Variants in POLH observed in about 807,000 individuals in gnomAD.
POLH encodes the protein DNA polymerase eta, also known as DNA polymerase eta transcript.
Under a neutral mutation model 73.6 loss-of-function variants are expected in POLH, and 53 were observed. That is an observed-to-expected ratio of 0.72 (90% CI 0.58 to 0.91). POLH has a LOEUF of 0.91. Among genes scored for constraint, POLH ranks in the 40% least tolerant of loss-of-function variants. POLH has a pLI of 0.00. For missense variants in POLH, 768 were observed against 865.4 expected (o/e 0.89, Z 1.41); for synonymous variants, 292 against 308.5 (o/e 0.95, Z 0.56).
At chr6:43,597,577 A>T in intron 4 of POLH, 119 bp from the exon 5 acceptor site, 1 of 973,312 alleles carries the variant, frequency 1.0e-6, no homozygotes, top group Non-Finnish European at 1.6e-6. Flanking sequence ...GCTGGCTGCC[A>T]TTTTTTTGTG....
intron 9 of POLH, 72 bp downstream of exon 9, chr6:43,605,391 G>A: frequency 1.3e-6 from 1 of 758,630 alleles, no homozygotes; most frequent in Non-Finnish European, 2.4e-6. Context: ...ACCTTATGGA[G>A]CAGGAACAAA....
chr6:43,581,669 G>GGCGGTCGGGCGGCGGCGGCA (rs1554138339), intron 1 of POLH, among the ~76,000 whole-genome samples: 1 of 112,890 alleles, frequency 8.9e-6, no homozygotes, highest in East Asian at 2.0e-4. Context: ...CCATCCTCCC[G>GGCGGTCGGGCGGCGGCGGCA]GCGGTCGGGC....
At position 43,587,457 on chromosome 6, in the gene POLH, GC is replaced by G; in HGVS notation, c.461del (p.Pro154LeufsTer42). 1 of 1,613,936 alleles carries G rather than the reference GC, an allele frequency of 6.2e-7. No homozygotes were observed. Among genetic ancestry groups the G allele is most frequent in the South Asian group, 1.1e-5 (1 of 91,082 alleles). On this transcript the variant is annotated frameshift_variant, in exon 4 of 11. Transcript: ENST00000372236. LOFTEE classifies it high-confidence loss of function. Reference protein sequence around the residue: ...PSTYIEGLPQGPTTAEETVQK... With the variant: ...PSTYIEGLPQXPTTAEETVQK... ...ACTTACATTGAAGGGTTGCCCCAAG[GC>G]CCTACAACGGCAGAAGAGACTGTTC...
chr6:43,607,857 G>T (rs111230917), intron 9 of POLH, among the ~76,000 whole-genome samples: 1 of 152,132 alleles, frequency 6.6e-6, no homozygotes, highest in Admixed American at 6.6e-5. Flanking sequence ...TTGAAATCCT[G>T]TTCCTGGGCC....
intron 4 of POLH, chr6:43,591,003 C>T (rs1241682235): frequency 2.0e-5 from 3 of 151,442 alleles, no homozygotes; most frequent in Non-Finnish European, 4.4e-5. Flanking sequence ...CATAAAATGC[C>T]TTTAATGTGT....
intron 2 of POLH, 114 bp downstream of exon 2, chr6:43,582,570 C>A: frequency 9.5e-7 from 1 of 1,057,028 alleles, no homozygotes. Context: ...CTCTGTTGTC[C>A]CATCCAGAGC....
chr6:43,598,080 C>T (rs1203862989), intron 5 of POLH, among the ~76,000 whole-genome samples: 5 of 151,564 alleles, frequency 3.3e-5, no homozygotes, highest in African/African-American at 1.2e-4. Flanking sequence ...TGGTGTACAC[C>T]TACAGTCCCA....
At chr6:43,577,258 T>C (rs1008502970) in intron 1 of POLH, among the ~76,000 whole-genome samples, 2 of 152,234 alleles carry the variant, frequency 1.3e-5, no homozygotes, top group Admixed American at 6.5e-5. Flanking sequence ...TCTGTTAAAG[T>C]CTGCATGTCT....
intron 4 of POLH, among the ~76,000 whole-genome samples, chr6:43,589,870 C>T (rs1334587972): frequency 6.6e-6 from 1 of 151,074 alleles, no homozygotes; most frequent in Non-Finnish European, 1.5e-5. Flanking sequence ...GTTGCCCAGG[C>T]TTTTATATAT....
At chr6:43,587,052 C>T (rs983959792) in intron 3 of POLH, among the ~76,000 whole-genome samples, 1 of 152,114 alleles carries the variant, frequency 6.6e-6, no homozygotes, top group Admixed American at 6.6e-5. Flanking sequence ...TGGCATTGTG[C>T]TAAAAATGTT....
intron 4 of POLH, among the ~76,000 whole-genome samples, chr6:43,592,471 GTGCAATCTCGGCTCAC>G (rs1279193844): frequency 2.7e-5 from 4 of 150,500 alleles, no homozygotes; most frequent in South Asian, 2.1e-4. Flanking sequence ...GAGTGCAGTG[GTGCAATCTCGGCTCAC>G]TGCAATCTCC....
In POLH at chr6:43,600,968, T is replaced by C; in HGVS notation, c.661-20T>C. On this transcript the variant is annotated intron_variant, in intron 5 of 10. Coordinates refer to ENST00000372236, the MANE Select transcript of POLH (RefSeq NM_006502.3). ...GATGGGTTGACAGTAATGAGGTTTT[T>C]ATACTTTGCATGCTTCCAGGTCCTG... 6.4e-7 allele frequency: 1 copy of C among 1,552,108 alleles called. No individual in the cohort carries two copies. Among genetic ancestry groups the C allele is most frequent in the Non-Finnish European group, 8.9e-7 (1 of 1,123,660 alleles).
At chr6:43,603,223 C>T (rs573943198) in intron 6 of POLH, among the ~76,000 whole-genome samples, 1 of 151,842 alleles carries the variant, frequency 6.6e-6, no homozygotes, top group Non-Finnish European at 1.5e-5. Context: ...GCCTCCTGGG[C>T]TCAAGTGATC....
chr6:43,582,014 T>G (rs1764336191), intron 1 of POLH, among the ~76,000 whole-genome samples: 1 of 152,204 alleles, frequency 6.6e-6, no homozygotes. Context: ...CAACACAGCA[T>G]TCAAAGGAAA....
rs1768597856 is a variant in POLH, at chr6:43,619,867, G to C, written c.*5310G>C. 6.6e-6 allele frequency among the ~76,000 whole-genome samples: 1 copy of C among 152,182 alleles called. No individual in the cohort carries two copies. The highest frequency in any genetic ancestry group is 2.1e-4 in the South Asian group (1 of 4,832). ...TTTATAAAACAGCCTGAGTGGTAGGGAAGCTATCACTTTAATACTCTAGAG... is the reference window on the plus strand; with the variant it reads ...TTTATAAAACAGCCTGAGTGGTAGGCAAGCTATCACTTTAATACTCTAGAG... On this transcript the variant is annotated 3_prime_UTR_variant, in exon 11 of 11. Coordinates refer to ENST00000372236, the MANE Select transcript of POLH (RefSeq NM_006502.3).
At chr6:43,601,131 A>C in intron 6 of POLH, 40 bp downstream of exon 6, 2 of 1,356,966 alleles carry the variant, frequency 1.5e-6, no homozygotes, top group Non-Finnish European at 2.1e-6. Context: ...ACTTCTATCC[A>C]TGTGTAGAAA....
At chr6:43,595,892 C>T (rs1765995503) in intron 4 of POLH, among the ~76,000 whole-genome samples, 2 of 151,310 alleles carry the variant, frequency 1.3e-5, no homozygotes, top group African/African-American at 4.9e-5. Context: ...AAGGCTTGCA[C>T]ATATTAAGAA....
At chr6:43,604,435 T>C (rs1409151754) in intron 7 of POLH, among the ~76,000 whole-genome samples, 180 bp from the exon 8 acceptor site, 1 of 152,210 alleles carries the variant, frequency 6.6e-6, no homozygotes, top group South Asian at 2.1e-4. Flanking sequence ...GTCCATATAT[T>C]GCACTGGAAT....
chr6:43,583,167 G>A, intron 3 of POLH, 26 bp downstream of exon 3: 1 of 1,608,982 alleles, frequency 6.2e-7, no homozygotes, highest in Non-Finnish European at 8.5e-7. Flanking sequence ...TATTTAAGGA[G>A]ACATAAAGGA....
Sources: allele counts gnomAD v4.1 joint callset (sites outside exome capture counted in the v4.1 genomes callset), GRCh38; gene constraint gnomAD v4.1.1; transcripts MANE v1.5; gene names NCBI Gene and HGNC (gene_info 2026-07-23, HGNC 2026-07-21).